The following SMYD2 variants were observed in gnomAD, a reference collection of about 807,000 sequenced individuals.
SMYD2 encodes the protein N-lysine methyltransferase SMYD2.
A neutral mutation model predicts 59.1 loss-of-function variants in SMYD2; 53 were observed. That is an observed-to-expected ratio of 0.90 (90% CI 0.72 to 1.13). The LOEUF is 1.13. Ranked by LOEUF, SMYD2 falls within the 50% of genes most tolerant of loss-of-function variation. The pLI, the probability that SMYD2 is intolerant of heterozygous loss-of-function variation, is 0.00. For missense variants in SMYD2, 494 were observed against 544.7 expected, an observed-to-expected ratio of 0.91 and a Z score of 0.93; for synonymous variants, 208 against 198.8, an observed-to-expected ratio of 1.05 and a Z score of -0.39.
chr1:214,309,759 T>A (rs747048405), intron 2 of SMYD2, among the ~76,000 whole-genome samples: 1 of 152,220 alleles, frequency 6.6e-6, no homozygotes, highest in Admixed American at 6.5e-5. Flanking sequence ...ACTCTTTTTT[T>A]CTAAATCTTT....
Position 214,327,733 on chromosome 1 carries a change from A to C in SMYD2, c.705+9A>C. Reference sequence around the variant, plus strand: ...TCAAGCCGGGAGAGGAGGTGAGTTCATGGCTATGGGTGGCTGCAGCAGGGG... The same window carrying C: ...TCAAGCCGGGAGAGGAGGTGAGTTCCTGGCTATGGGTGGCTGCAGCAGGGG... On this transcript the variant is annotated intron_variant, in intron 7 of 11. Transcript: ENST00000366957. 6.2e-7 allele frequency: 1 copy of C among 1,612,594 alleles called. No individual in the cohort carries two copies.
intron 9 of SMYD2, 184 bp from the exon 10 acceptor site, chr1:214,331,834 A>T (rs1571935762): frequency 3.3e-6 from 2 of 601,796 alleles, no homozygotes; most frequent in East Asian, 2.8e-5. Flanking sequence ...TCCGACCTTC[A>T]GGTTTTCTTC....
chr1:214,286,295 A>G (rs1656544111), intron 1 of SMYD2, among the ~76,000 whole-genome samples: 1 of 151,990 alleles, frequency 6.6e-6, no homozygotes, highest in Non-Finnish European at 1.5e-5. Context: ...GCAAGACCCC[A>G]TTCGCTACAA....
chr1:214,302,184 C>T (rs1199510184), intron 1 of SMYD2, among the ~76,000 whole-genome samples: 1 of 151,948 alleles, frequency 6.6e-6, no homozygotes, highest in Admixed American at 6.6e-5. Context: ...TCTACTAATA[C>T]AAAAATTAGC....
In SMYD2 at chr1:214,318,826, C is replaced by T; in HGVS notation, c.410-33C>T. 1 of 1,608,504 alleles carries T rather than the reference C, an allele frequency of 6.2e-7. No homozygotes were observed. The highest frequency in any genetic ancestry group is 1.1e-5 in the South Asian group (1 of 90,532). Reference sequence around the variant, plus strand: ...GATGTAGCTAGAAATCCCACGCTTTCTACTGGGTGAATAATGGATTATTTA... The same window carrying T: ...GATGTAGCTAGAAATCCCACGCTTTTTACTGGGTGAATAATGGATTATTTA... On this transcript the variant is annotated intron_variant, in intron 4 of 11. Coordinates refer to ENST00000366957, the MANE Select transcript of SMYD2 (RefSeq NM_020197.3). The surrounding 1 kb of genome is among the most constrained non-coding windows in gnomAD (Gnocchi z 5.4).
intron 5 of SMYD2, among the ~76,000 whole-genome samples, chr1:214,321,246 G>GTA (rs34914083): frequency 0.11 from 15,984 of 151,574 alleles, 1,064 homozygotes; most frequent in Middle Eastern, 0.2. Context: ...CTTAAAAAAT[G>GTA]TATATATATA....
intron 1 of SMYD2, among the ~76,000 whole-genome samples, chr1:214,295,292 A>G (rs1289046823): frequency 6.6e-6 from 1 of 152,222 alleles, no homozygotes. Context: ...CAGGGCCTAC[A>G]AGAGGAGCTT....
chr1:214,293,979 CATTTT>C (rs1451697487), intron 1 of SMYD2, among the ~76,000 whole-genome samples: 1 of 151,140 alleles, frequency 6.6e-6, no homozygotes, highest in East Asian at 1.9e-4. Flanking sequence ...CCCAGCCACT[CATTTT>C]TTTTTTTTTA....
intron 2 of SMYD2, among the ~76,000 whole-genome samples, chr1:214,306,671 A>G (rs1656920229): frequency 6.6e-6 from 1 of 152,228 alleles, no homozygotes; most frequent in South Asian, 2.1e-4. Flanking sequence ...AGCCCCTGCG[A>G]CATATATGGT....
chr1:214,298,433 C>G (rs1469349565), intron 1 of SMYD2, among the ~76,000 whole-genome samples: 1 of 152,144 alleles, frequency 6.6e-6, no homozygotes, highest in Admixed American at 6.5e-5. Context: ...AAATGTAAGA[C>G]CTCAAACTGT....
intron 1 of SMYD2, among the ~76,000 whole-genome samples, chr1:214,297,205 G>T (rs997850231): frequency 7.2e-5 from 11 of 152,062 alleles, no homozygotes; most frequent in Non-Finnish European, 1.6e-4. Flanking sequence ...AATTGAATGA[G>T]AACTGATGAT....
Position 214,305,195 on chromosome 1 carries a change from G to A in SMYD2, c.182G>A (p.Gly61Glu), listed in dbSNP as rs1254846592. 6.2e-7 allele frequency: 1 copy of A among 1,614,186 alleles called. No homozygotes were observed. ...HCEYCFTRKE[G>E]LSKCGRCKQA... ...CCCTTTCTGTTTTTAAGGAAAGAAGGATTGTCCAAATGTGGAAGATGCAAG... is the reference window on the plus strand; with the variant it reads ...CCCTTTCTGTTTTTAAGGAAAGAAGAATTGTCCAAATGTGGAAGATGCAAG... The change falls in exon 2 of 12, where the codon GGA (glycine) becomes GAA (glutamate). Residue 61 changes from glycine (G) to glutamate (E), a missense_variant. Transcript: ENST00000366957.
intron 1 of SMYD2, among the ~76,000 whole-genome samples, chr1:214,292,061 G>A (rs1434631654): frequency 6.7e-6 from 1 of 149,484 alleles, no homozygotes; most frequent in Non-Finnish European, 1.5e-5. Context: ...GCTTTACAAG[G>A]CACTCAGCTA....
intron 2 of SMYD2, 97 bp from the exon 3 acceptor site, chr1:214,314,665 T>G (rs981453103): frequency 6.5e-5 from 53 of 814,398 alleles, no homozygotes; most frequent in Admixed American, 5.1e-5. Flanking sequence ...CATATTTTAC[T>G]TGACCTTAAC....
chr1:214,309,979 C>T (rs966060372), intron 2 of SMYD2, among the ~76,000 whole-genome samples: 2 of 152,136 alleles, frequency 1.3e-5, no homozygotes, highest in African/African-American at 4.8e-5. Flanking sequence ...ACATTTTCTC[C>T]CTGTTCCACA....
intron 2 of SMYD2, among the ~76,000 whole-genome samples, chr1:214,310,188 G>GC (rs1490628156): frequency 6.6e-6 from 1 of 152,214 alleles, no homozygotes; most frequent in Admixed American, 6.5e-5. Flanking sequence ...AAATGCTGGT[G>GC]CACCATGAGA....
rs182669271 is a variant in SMYD2 at position 214,312,655 on chromosome 1, G to A, written c.238-2107G>A. Among the ~76,000 whole-genome samples, 2 of 152,328 alleles carry A rather than the reference G, an allele frequency of 1.3e-5. No homozygotes were observed. Among genetic ancestry groups the A allele is most frequent in the East Asian group, 1.9e-4 (1 of 5,178 alleles). Reference sequence around the variant, plus strand: ...AAACAGAGCAAGTGCGAAGGGCCTTGAGGCAGGTACATGGCTCCAGGCGCA... The same window carrying A: ...AAACAGAGCAAGTGCGAAGGGCCTTAAGGCAGGTACATGGCTCCAGGCGCA... On this transcript the variant is annotated intron_variant, in intron 2 of 11. Transcript: ENST00000366957. This position sits in a 1 kb window ranked among gnomAD's most constrained non-coding sequence, Gnocchi z 4.1.
At chr1:214,308,284 G>A (rs545866388) in intron 2 of SMYD2, among the ~76,000 whole-genome samples, 137 of 152,334 alleles carry the variant, frequency 9.0e-4, no homozygotes, top group African/African-American at 3.1e-3. Flanking sequence ...ACTGCTGAAG[G>A]AAAAGGCTAA....
intron 1 of SMYD2, among the ~76,000 whole-genome samples, chr1:214,284,529 C>T (rs1333119272): frequency 6.6e-6 from 1 of 150,664 alleles, no homozygotes; most frequent in African/African-American, 2.4e-5. Flanking sequence ...AGCCACTGCG[C>T]CGGGCCAAGT....
Sources: allele counts gnomAD v4.1 joint callset (sites outside exome capture counted in the v4.1 genomes callset), GRCh38; gene constraint gnomAD v4.1.1; non-coding constraint Gnocchi (gnomAD v3.1); transcripts MANE v1.5; gene names NCBI Gene and HGNC (gene_info 2026-07-23, HGNC 2026-07-21).